The following SH3BGRL2 variants were observed in gnomAD, a reference collection of about 807,000 sequenced individuals.
SH3BGRL2 encodes the protein SH3 domain binding glutamate rich protein like 2.
A neutral mutation model predicts 14.8 loss-of-function variants in SH3BGRL2; 21 were observed. The observed-to-expected ratio is 1.42, with a 90% confidence interval of 1.01 to 2.05. SH3BGRL2 has a LOEUF of 2.05. Ranked by LOEUF, SH3BGRL2 falls within the 30% of genes most tolerant of loss-of-function variation. The pLI is 0.00. For missense variants in SH3BGRL2, 147 were observed against 130.8 expected (o/e 1.12, Z -0.61); for synonymous variants, 50 against 47.8 (o/e 1.05, Z -0.19).
chr6:79,646,611 G>C (rs973450506), intron 1 of SH3BGRL2, among the ~76,000 whole-genome samples: 3 of 152,176 alleles, frequency 2.0e-5, no homozygotes, highest in Admixed American at 2.0e-4. Context: ...GTTTTTGTGT[G>C]TGTGTATGTT....
At chr6:79,606,649 C>T in the SH3BGRL2 span, among the ~76,000 whole-genome samples, 1 of 152,168 alleles carries the variant, frequency 6.6e-6, no homozygotes, top group Non-Finnish European at 1.5e-5. Flanking sequence ...CACATTCCTA[C>T]TTGATACAGT....
the SH3BGRL2 span, among the ~76,000 whole-genome samples, chr6:79,547,341 A>G: frequency 1.3e-5 from 2 of 152,118 alleles, no homozygotes; most frequent in African/African-American, 2.4e-5. Flanking sequence ...GCTGGGAGGT[A>G]CACTACTGGT....
chr6:79,578,444 A>T, the SH3BGRL2 span, among the ~76,000 whole-genome samples: 16 of 152,336 alleles, frequency 1.1e-4, no homozygotes, highest in East Asian at 2.9e-3. Context: ...ATCAGGCAGC[A>T]ATATTTGCTG....
chr6:79,620,777 T>C, the SH3BGRL2 span, among the ~76,000 whole-genome samples: 1 of 152,078 alleles, frequency 6.6e-6, no homozygotes. Context: ...ATCTAAACTA[T>C]GTTAGAGACA....
chr6:79,649,226 T>TA (rs1187136643), intron 1 of SH3BGRL2, among the ~76,000 whole-genome samples: 3 of 152,180 alleles, frequency 2.0e-5, no homozygotes, highest in Non-Finnish European at 2.9e-5. Context: ...ACAGCAGACT[T>TA]ACATTTGAAT....
the SH3BGRL2 span, among the ~76,000 whole-genome samples, chr6:79,549,561 G>A: frequency 6.6e-6 from 1 of 152,156 alleles, no homozygotes; most frequent in Non-Finnish European, 1.5e-5. Flanking sequence ...ACAGTATTCA[G>A]TATAGTAACA....
the SH3BGRL2 span, among the ~76,000 whole-genome samples, chr6:79,583,996 A>G: frequency 3.2e-4 from 49 of 152,294 alleles, no homozygotes; most frequent in East Asian, 9.1e-3. Flanking sequence ...GGTTTCAGAG[A>G]TACAAGAGAC....
chr6:79,666,228 C>T (rs553090473), intron 1 of SH3BGRL2, among the ~76,000 whole-genome samples: 157 of 152,228 alleles, frequency 1.0e-3, no homozygotes, highest in African/African-American at 3.6e-3. Context: ...CCTGTCACCT[C>T]AACGTGGAAA....
intron 1 of SH3BGRL2, among the ~76,000 whole-genome samples, chr6:79,638,654 G>A (rs1768972588): frequency 1.3e-5 from 2 of 152,090 alleles, no homozygotes. Context: ...GGGGTGAGAT[G>A]CAATTTCATT....
chr6:79,555,691 G>A, the SH3BGRL2 span, among the ~76,000 whole-genome samples: 1 of 151,846 alleles, frequency 6.6e-6, no homozygotes, highest in Non-Finnish European at 1.5e-5. Context: ...TGTATTTTTA[G>A]TAGAGATGGG....
At chr6:79,651,741 A>G (rs1253080578) in intron 1 of SH3BGRL2, among the ~76,000 whole-genome samples, 1 of 152,088 alleles carries the variant, frequency 6.6e-6, no homozygotes, top group African/African-American at 2.4e-5. Context: ...GCACAGACAC[A>G]TGCAACTGTT....
chr6:79,669,943 T>A lies in SH3BGRL2; in HGVS notation c.46-3671T>A, dbSNP rs527608281. Among the ~76,000 whole-genome samples, 4 of 152,318 alleles carry A rather than the reference T, an allele frequency of 2.6e-5. No homozygotes were observed. In the South Asian group the frequency reaches 8.3e-4, roughly 32 times the overall value. On this transcript the variant is annotated intron_variant, in intron 1 of 3. Coordinates refer to ENST00000369838, the MANE Select transcript of SH3BGRL2 (RefSeq NM_031469.4). ...GAACTTTGATCCGGAAGTGAAGATC[T>A]GTGATCTAGCTCAAAGGTTGACAAG...
chr6:79,657,076 G>A (rs1259899419), intron 1 of SH3BGRL2, among the ~76,000 whole-genome samples: 1 of 152,212 alleles, frequency 6.6e-6, no homozygotes, highest in Non-Finnish European at 1.5e-5. Context: ...TGAAAGGAAT[G>A]CGCAGCAAGA....
intron 1 of SH3BGRL2, among the ~76,000 whole-genome samples, chr6:79,635,168 C>T (rs1369748156): frequency 6.6e-6 from 1 of 152,172 alleles, no homozygotes; most frequent in Non-Finnish European, 1.5e-5. Context: ...CTTTACCTTC[C>T]TACTTGCCTT....
At chr6:79,552,020 T>A in the SH3BGRL2 span, among the ~76,000 whole-genome samples, 1 of 151,912 alleles carries the variant, frequency 6.6e-6, no homozygotes. Flanking sequence ...AACCCAGGAG[T>A]TGGAAGTTGC....
the SH3BGRL2 span, among the ~76,000 whole-genome samples, chr6:79,594,368 A>T: frequency 2.8e-4 from 43 of 152,294 alleles, no homozygotes; most frequent in East Asian, 6.6e-3. Context: ...CTCCTGCATG[A>T]TATGCACTGC....
the SH3BGRL2 span, among the ~76,000 whole-genome samples, chr6:79,586,715 T>C: frequency 6.6e-6 from 1 of 152,210 alleles, no homozygotes; most frequent in South Asian, 2.1e-4. Flanking sequence ...GCCTATCCTC[T>C]GGAATCATAG....
the SH3BGRL2 span, among the ~76,000 whole-genome samples, chr6:79,561,922 G>A: frequency 6.6e-6 from 1 of 152,142 alleles, no homozygotes; most frequent in South Asian, 2.1e-4. Flanking sequence ...TTTATGACAA[G>A]TCATAGACAC....
At chr6:79,671,866 C>T (rs1358532286) in intron 1 of SH3BGRL2, among the ~76,000 whole-genome samples, 1 of 152,234 alleles carries the variant, frequency 6.6e-6, no homozygotes, top group East Asian at 1.9e-4. Context: ...TAGTGTGACA[C>T]ATCTTCCTTC....
Sources: allele counts gnomAD v4.1 joint callset (sites outside exome capture counted in the v4.1 genomes callset), GRCh38; gene constraint gnomAD v4.1.1; transcripts MANE v1.5; gene names NCBI Gene and HGNC (gene_info 2026-07-23, HGNC 2026-07-21).